CRHBP: variants seen among roughly 807,000 people sequenced by gnomAD.
CRHBP encodes the protein corticotropin-releasing hormone-binding protein.
In CRHBP, 19 loss-of-function variants were observed where a neutral mutation model predicts 34.9. The observed-to-expected ratio is 0.55, with a 90% CI of 0.38 to 0.80. The LOEUF is 0.80. Ranked by LOEUF, CRHBP falls within the 30% of genes least tolerant of loss-of-function variation. CRHBP has a pLI of 0.00. For synonymous variants in CRHBP, 154 were observed against 153.4 expected (o/e 1.00, Z -0.03); for missense variants, 328 against 409.2 (o/e 0.80, Z 1.71).
At position 76,969,082 on chromosome 5, in the gene CRHBP, G is replaced by A. The variant is rs1441126146; in HGVS notation, c.*197G>A. 4.0e-6 allele frequency: 2 copies of A among 497,126 alleles called. No individual in the cohort carries two copies. Among genetic ancestry groups the A allele is most frequent in the African/African-American group, 4.0e-5 (2 of 50,262 alleles). 30.8% of individuals were successfully genotyped at this position (497,126 alleles called of 1,614,324 possible). On this transcript the variant is annotated 3_prime_UTR_variant, in exon 7 of 7. Transcript: ENST00000274368. ...TTTGCTTCTTTTATGTTTGTAATCT[G>A]TAAATGAACACATGGCAGAAAATAA... is the stretch of plus-strand genomic sequence containing the variant.
At position 76,953,217 on chromosome 5, in the gene CRHBP, T is replaced by A; in HGVS notation, c.81+2T>A. 1 of 1,613,904 alleles carries A rather than the reference T, an allele frequency of 6.2e-7. No individual in the cohort carries two copies. The highest frequency in any genetic ancestry group is 2.2e-5 in the East Asian group (1 of 44,866). On this transcript the variant is annotated splice_donor_variant, in intron 1 of 6. Transcript: ENST00000274368. LOFTEE classifies it high-confidence loss of function. ...AGAGGGGAAAGCCGGTACCTAGAGG[T>A]GAGCCACCCCTGGACTGACCCATCT...
At chr5:76,964,594 C>CTGTAATCACAGTG (rs1234232533) in intron 6 of CRHBP, among the ~76,000 whole-genome samples, 3 of 152,224 alleles carry the variant, frequency 2.0e-5, no homozygotes, top group Admixed American at 6.5e-5. Context: ...TGTCTCACGC[C>CTGTAATCACAGTG]TGTAATCACA....
At chr5:76,961,068 A>G (rs1745769430) in intron 5 of CRHBP, among the ~76,000 whole-genome samples, 1 of 152,160 alleles carries the variant, frequency 6.6e-6, no homozygotes, top group Non-Finnish European at 1.5e-5. Flanking sequence ...CTCCTGGCCA[A>G]GTACTTTTTT....
intron 5 of CRHBP, among the ~76,000 whole-genome samples, chr5:76,959,904 A>G (rs1178398574): frequency 6.6e-6 from 1 of 152,216 alleles, no homozygotes; most frequent in Non-Finnish European, 1.5e-5. Context: ...TATTGGGGCT[A>G]TGGGGGTAAT....
chr5:76,970,904 A>G (rs2150710508), downstream of CRHBP, among the ~76,000 whole-genome samples: 1 of 152,284 alleles, frequency 6.6e-6, no homozygotes, highest in South Asian at 2.1e-4. Flanking sequence ...GACATGCTTT[A>G]CTTCAAAGCT....
intron 3 of CRHBP, among the ~76,000 whole-genome samples, chr5:76,978,321 G>A (rs566265269): frequency 4.5e-4 from 68 of 152,336 alleles, no homozygotes; most frequent in Non-Finnish European, 8.4e-4. Context: ...TGGTTTCAAA[G>A]CTTCAAAGGA....
chr5:76,953,950 G>A, intron 2 of CRHBP, 79 bp from the exon 3 acceptor site: 1 of 1,502,624 alleles, frequency 6.7e-7, no homozygotes, highest in South Asian at 1.3e-5. Context: ...GGAATGGGGC[G>A]CGCGGAGAGC....
intron 5 of CRHBP, 168 bp downstream of exon 5, chr5:76,959,057 C>A (rs771236353): frequency 3.8e-5 from 23 of 601,778 alleles, no homozygotes; most frequent in Non-Finnish European, 5.6e-5. Context: ...CTAACCCCCT[C>A]TTCTATTTCA....
intron 5 of CRHBP, among the ~76,000 whole-genome samples, chr5:76,962,873 AG>A (rs1359897725): frequency 6.6e-6 from 1 of 152,208 alleles, no homozygotes; most frequent in African/African-American, 2.4e-5. Context: ...ACAAAGAAGA[AG>A]AAAAGAGATG....
chr5:76,979,249 C>G (rs1242806469), intron 3 of CRHBP, among the ~76,000 whole-genome samples: 1 of 152,048 alleles, frequency 6.6e-6, no homozygotes, highest in Non-Finnish European at 1.5e-5. Context: ...CAGCTCACTG[C>G]AACCTTGACC....
At chr5:76,979,134 A>G (rs1746082020) in intron 3 of CRHBP, among the ~76,000 whole-genome samples, 2 of 152,172 alleles carry the variant, frequency 1.3e-5, no homozygotes, top group Non-Finnish European at 2.9e-5. Flanking sequence ...TTTTAGCAAT[A>G]AAGTATTTTT....
intron 3 of CRHBP, among the ~76,000 whole-genome samples, chr5:76,980,016 C>T (rs1466095798): frequency 6.7e-6 from 1 of 149,908 alleles, no homozygotes; most frequent in South Asian, 2.1e-4. Context: ...CTTTGGGAGG[C>T]CGAGGCGGGC....
At chr5:76,974,363 G>A (rs1416255505), downstream of CRHBP, among the ~76,000 whole-genome samples, 5 of 151,070 alleles carry the variant, frequency 3.3e-5, no homozygotes, top group Non-Finnish European at 7.4e-5. Flanking sequence ...TATTGGCCAG[G>A]CTGGTCTCAA....
intron 1 of CRHBP, 109 bp downstream of exon 1, chr5:76,953,324 T>G (rs575999875): frequency 1.9e-6 from 2 of 1,034,602 alleles, no homozygotes; most frequent in South Asian, 2.8e-5. Flanking sequence ...TTCTTCCCTC[T>G]CTGCTGGATG....
At chr5:76,958,022 T>G (rs1347181850) in intron 4 of CRHBP, among the ~76,000 whole-genome samples, 9 of 151,798 alleles carry the variant, frequency 5.9e-5, no homozygotes, top group Non-Finnish European at 1.3e-4. Flanking sequence ...AGCCAGATGT[T>G]GTGGCACATG....
chr5:76,965,833 G>A (rs1745852353), intron 6 of CRHBP, among the ~76,000 whole-genome samples: 1 of 152,148 alleles, frequency 6.6e-6, no homozygotes, highest in Non-Finnish European at 1.5e-5. Context: ...AGTGTAAGTT[G>A]TCCAGGTTCT....
At chr5:76,958,193 A>G (rs1046512380) in intron 4 of CRHBP, among the ~76,000 whole-genome samples, 9 of 152,220 alleles carry the variant, frequency 5.9e-5, no homozygotes, top group African/African-American at 2.2e-4. Context: ...TACTTAAAAT[A>G]AGCCTGGGGC....
chr5:76,954,924 C>T (rs1250337644), intron 3 of CRHBP, among the ~76,000 whole-genome samples: 2 of 152,136 alleles, frequency 1.3e-5, no homozygotes, highest in Non-Finnish European at 2.9e-5. Context: ...CTGTCACATG[C>T]GTTAGAAATA....
At position 76,953,710 on chromosome 5, in the gene CRHBP, C is replaced by T. The variant is rs975840737; in HGVS notation, c.175+16C>T. 5.0e-6 allele frequency: 8 copies of T among 1,596,018 alleles called. No homozygotes were observed. The African/African-American group carries it at 8.0e-5, about 16-fold the overall frequency. On this transcript the variant is annotated intron_variant, in intron 2 of 6. Transcript: ENST00000274368. ...CGCGCTCTGCGTGAGTCGAGGCTGC[C>T]CGGCTCGCGGGCGCCCGGGACGCGG...
Sources: gnomAD v4.1 joint callset for allele counts (sites outside exome capture counted in the v4.1 genomes callset) on GRCh38, gnomAD v4.1.1 for gene constraint, MANE v1.5 for transcripts, NCBI Gene and HGNC (gene_info 2026-07-23, HGNC 2026-07-21) for gene names.